The following KIFC1 variants were observed in gnomAD, a reference collection of about 807,000 sequenced individuals.
KIFC1 encodes kinesin family member C1.
In KIFC1, 37 loss-of-function variants were observed where a neutral mutation model predicts 66.6. The ratio of observed to expected loss-of-function variants is 0.56; its 90% CI spans 0.43 to 0.73. KIFC1 has a LOEUF of 0.73. Among genes scored for constraint, KIFC1 ranks in the 30% least tolerant of loss-of-function variants. The pLI, the probability that KIFC1 is intolerant of heterozygous loss-of-function variation, is 0.00. For synonymous variants in KIFC1, 325 were observed against 343.5 expected (o/e 0.95, Z 0.60); for missense variants, 721 against 859.8 (o/e 0.84, Z 2.02).
Position 33,401,935 on chromosome 6 carries a change from G to C in KIFC1, c.251-1379G>C, listed in dbSNP as rs962329130. Among the ~76,000 whole-genome samples, 27 of 152,228 alleles carry C rather than the reference G, an allele frequency of 1.8e-4. No individual in the cohort carries two copies. The highest frequency in any genetic ancestry group is 6.5e-4 in the African/African-American group (27 of 41,536). ...TTAGCCAGGATGGTCTCAATCTCCT[G>C]ACCCCTTGATCTGCCCACCTCGGCC... On this transcript the variant is annotated intron_variant, in intron 3 of 10. Transcript: ENST00000428849. The surrounding 1 kb of genome is among the most constrained non-coding windows in gnomAD (Gnocchi z 4.5).
Position 33,406,167 on chromosome 6 carries a change from CT to C in KIFC1, c.1537-24del. 7 of 1,572,568 alleles carry C rather than the reference CT, an allele frequency of 4.5e-6. No individual in the cohort carries two copies. Among genetic ancestry groups the C allele is most frequent in the Non-Finnish European group, 5.2e-6 (6 of 1,156,432 alleles). ...TTACTATGTACTGACTTCTGCCTGCCTTTTTGCCCCTTCTGCTCCCATCCCC... is the reference window on the plus strand; with the variant it reads ...TTACTATGTACTGACTTCTGCCTGCCTTTTGCCCCTTCTGCTCCCATCCCC... On this transcript the variant is annotated intron_variant, in intron 7 of 10. Transcript: ENST00000428849. This position sits in a 1 kb window ranked among gnomAD's most constrained non-coding sequence, Gnocchi z 4.5.
rs985318176 is a variant in KIFC1 at position 33,406,610 on chromosome 6, C to T, written c.1846C>T (p.Arg616Trp). The T allele has an allele frequency of 2.5e-6, 4 of 1,613,920 alleles. No individual in the cohort carries two copies. Among genetic ancestry groups the T allele is most frequent in the Non-Finnish European group, 3.4e-6 (4 of 1,180,004 alleles). ...CATCTAGGAGTCCCACGTGCCTTAC[C>T]GGAACAGCAAACTGACCTACCTGCT... ...LSNKESHVPY[R>W]NSKLTYLLQN... Residue 616 changes from arginine (R) to tryptophan (W), a missense_variant, in exon 9 of 11, where the codon CGG (arginine) becomes TGG (tryptophan). Coordinates refer to ENST00000428849, the MANE Select transcript of KIFC1 (RefSeq NM_002263.4). The surrounding 1 kb of genome is among the most constrained non-coding windows in gnomAD (Gnocchi z 4.5).
In KIFC1 at chr6:33,409,853, TTTGG is replaced by T. The variant is rs1307783373; in HGVS notation, c.*166_*169del. 10 of 680,114 alleles carry T rather than the reference TTTGG, an allele frequency of 1.5e-5. No individual in the cohort carries two copies. The highest frequency in any genetic ancestry group is 1.4e-4 in the Admixed American group (5 of 34,866). 42.1% of individuals were successfully genotyped at this position (680,114 alleles called of 1,614,324 possible). A position where few individuals can be genotyped will look rare whatever the true frequency, so the allele number is the denominator to read the frequency against. ...CCCAGGGCTATCAAATAAAGAATAG[TTTGG>T]TTTTTTTTTTAAATAAAGGTTTTAT... On this transcript the variant is annotated 3_prime_UTR_variant, in exon 11 of 11. Coordinates refer to ENST00000428849, the MANE Select transcript of KIFC1 (RefSeq NM_002263.4).
At chr6:33,392,132 A>C (rs1233759353) in intron 1 of KIFC1, 135 bp downstream of exon 1, 2 of 1,008,472 alleles carry the variant, frequency 2.0e-6, no homozygotes, top group Non-Finnish European at 2.9e-6. Context: ...GCGCCCCCGC[A>C]CAAGTGGAAA....
rs1241930687 is a variant in KIFC1 at position 33,405,977 on chromosome 6, C to A, written c.1537-219C>A. On this transcript the variant is annotated intron_variant, in intron 7 of 10. Coordinates refer to ENST00000428849, the MANE Select transcript of KIFC1 (RefSeq NM_002263.4). The surrounding 1 kb of genome is among the most constrained non-coding windows in gnomAD (Gnocchi z 5.4). ...TGCCTGGATGCTCTTTCCTGGAGAT[C>A]TTGGCTATCCTGTCAAAACTTGTGT... is the stretch of plus-strand genomic sequence containing the variant. 6.6e-6 allele frequency among the ~76,000 whole-genome samples: 1 copy of A among 152,136 alleles called. No homozygotes were observed. The highest frequency in any genetic ancestry group is 1.5e-5 in the Non-Finnish European group (1 of 68,018).
chr6:33,407,135 G>C (rs543159984), intron 10 of KIFC1: 3 of 1,255,674 alleles, frequency 2.4e-6, no homozygotes, highest in Non-Finnish European at 3.2e-6. Context: ...CTGGTTGGGC[G>C]TAGTAGCTCA....
Position 33,404,765 on chromosome 6 carries a change from C to G in KIFC1, c.757-87C>G. On this transcript the variant is annotated intron_variant, in intron 6 of 10. Transcript: ENST00000428849. The surrounding 1 kb of genome is among the most constrained non-coding windows in gnomAD (Gnocchi z 4.0). ...GAGGTCCTTTTGAGCAGGGACCTCA[C>G]TTCCACCCACTCCATACGCCCCACA... is the stretch of plus-strand genomic sequence containing the variant. 6.9e-6 allele frequency: 9 copies of G among 1,312,026 alleles called. No individual in the cohort carries two copies. The South Asian group carries it at 1.3e-4, about 19-fold the overall frequency. The allele number at this position is 1,312,026 out of a possible 1,614,324, so 81.3% of individuals were successfully genotyped here.
chr6:33,395,438 A>T (rs1025140019), intron 1 of KIFC1, among the ~76,000 whole-genome samples: 1 of 152,090 alleles, frequency 6.6e-6, no homozygotes, highest in African/African-American at 2.4e-5. Context: ...TGGGAATGTG[A>T]TGCATATATG....
At position 33,391,896 on chromosome 6, in the gene KIFC1, C is replaced by A; in HGVS notation, c.-90C>A. Reference sequence around the variant, plus strand: ...CGTGCGAGTTCTCTACCCTGCTTCGCGAGCGGGCGAGAGAACGCGAGTCCC... The same window carrying A: ...CGTGCGAGTTCTCTACCCTGCTTCGAGAGCGGGCGAGAGAACGCGAGTCCC... On this transcript the variant is annotated 5_prime_UTR_variant, in exon 1 of 11. Transcript: ENST00000428849. The A allele has an allele frequency of 6.6e-7, 1 of 1,520,530 alleles. No individual in the cohort carries two copies. The highest frequency in any genetic ancestry group is 9.1e-7 in the Non-Finnish European group (1 of 1,099,390). The allele number at this position is 1,520,530 out of a possible 1,614,324, so 94.2% of individuals were successfully genotyped here. A position where few individuals can be genotyped will look rare whatever the true frequency, so the allele number is the denominator to read the frequency against.
rs1292900999 is a variant in KIFC1, at chr6:33,404,524, C to G, written c.757-328C>G. On this transcript the variant is annotated intron_variant, in intron 6 of 10. Coordinates refer to ENST00000428849, the MANE Select transcript of KIFC1 (RefSeq NM_002263.4). The surrounding 1 kb of genome is among the most constrained non-coding windows in gnomAD (Gnocchi z 4.0). ...GTTATTTGCAGTCTCTTAAATGACTCAACTTTCACTTCTGGGCATTCTGCA... is the reference window on the plus strand; with the variant it reads ...GTTATTTGCAGTCTCTTAAATGACTGAACTTTCACTTCTGGGCATTCTGCA... Among the ~76,000 whole-genome samples, 1 of 152,124 alleles carries G rather than the reference C, an allele frequency of 6.6e-6. No homozygotes were observed. The highest frequency in any genetic ancestry group is 6.5e-5 in the Admixed American group (1 of 15,268).
Position 33,409,820 on chromosome 6 carries a change from C to T in KIFC1, c.*130C>T. ...GGAGGGTGCTTTATTGGGTGGAGGG[C>T]ACCATGTCCCAGGGCTATCAAATAA... On this transcript the variant is annotated 3_prime_UTR_variant, in exon 11 of 11. Coordinates refer to ENST00000428849, the MANE Select transcript of KIFC1 (RefSeq NM_002263.4). 1.1e-6 allele frequency: 1 copy of T among 908,788 alleles called. No individual in the cohort carries two copies. The highest frequency in any genetic ancestry group is 1.7e-6 in the Non-Finnish European group (1 of 575,682). The allele number at this position is 908,788 out of a possible 1,614,324, so 56.3% of individuals were successfully genotyped here.
At chr6:33,391,790 T>G (rs117889830), upstream of KIFC1, 1,680 of 690,262 alleles carry the variant, frequency 2.4e-3, 64 homozygotes, top group East Asian at 0.045. Context: ...GGTCCCTGCG[T>G]GCAGAGCGCG....
In KIFC1 at chr6:33,406,828, G is replaced by A; in HGVS notation, c.1930G>A (p.Glu644Lys). The A allele has an allele frequency of 6.2e-7, 1 of 1,614,096 alleles. No homozygotes were observed. The highest frequency in any genetic ancestry group is 8.5e-7 in the Non-Finnish European group (1 of 1,180,004). ...CATGTTTGTGAACATTTCTCCACTG[G>A]AAGAGAACGTCTCCGAGTCCCTCAA... ...MLMFVNISPL[E>K]ENVSESLNSL... Residue 644 changes from glutamate (E) to lysine (K), a missense_variant, in exon 10 of 11, where the codon GAA becomes AAA. Coordinates refer to ENST00000428849, the MANE Select transcript of KIFC1 (RefSeq NM_002263.4). The surrounding 1 kb of genome is among the most constrained non-coding windows in gnomAD (Gnocchi z 4.5).
Position 33,404,461 on chromosome 6 carries a change from C to T in KIFC1, c.756+332C>T, listed in dbSNP as rs186321789. ...GTACTCTCTTTCCCTCCTCCCATGT[C>T]CACTTGACTCCTTCCTGGTGAGCAC... On this transcript the variant is annotated intron_variant, in intron 6 of 10. Coordinates refer to ENST00000428849, the MANE Select transcript of KIFC1 (RefSeq NM_002263.4). The surrounding 1 kb of genome is among the most constrained non-coding windows in gnomAD (Gnocchi z 4.0). 4.9e-4 allele frequency among the ~76,000 whole-genome samples: 74 copies of T among 152,318 alleles called. No individual in the cohort carries two copies. The East Asian group carries it at 0.014, about 29-fold the overall frequency.
In KIFC1 at chr6:33,406,737, T is replaced by C. The variant is rs372201348; in HGVS notation, c.1902-63T>C. Reference sequence around the variant, plus strand: ...GGGTGAGGGGTAGAAAGGGGAACAGTGGAGACCTGTCCAGGCTCTGCTGGC... The same window carrying C: ...GGGTGAGGGGTAGAAAGGGGAACAGCGGAGACCTGTCCAGGCTCTGCTGGC... On this transcript the variant is annotated intron_variant, in intron 9 of 10. Transcript: ENST00000428849. This position sits in a 1 kb window ranked among gnomAD's most constrained non-coding sequence, Gnocchi z 4.5. 10 of 1,610,680 alleles carry C rather than the reference T, an allele frequency of 6.2e-6. No homozygotes were observed. Among genetic ancestry groups the C allele is most frequent in the Non-Finnish European group, 8.5e-6 (10 of 1,176,846 alleles).
intron 1 of KIFC1, among the ~76,000 whole-genome samples, chr6:33,394,091 C>T (rs539529562): frequency 6.6e-6 from 1 of 152,174 alleles, no homozygotes; most frequent in East Asian, 1.9e-4. Flanking sequence ...CTACTGGCAT[C>T]TAGTGGGTAG....
In KIFC1 at chr6:33,398,356, T is replaced by TACAGTGCC; in HGVS notation, c.224_231dup (p.Thr78CysfsTer29). The TACAGTGCC allele has an allele frequency of 6.2e-7, 1 of 1,614,020 alleles. No homozygotes were observed. Among genetic ancestry groups the TACAGTGCC allele is most frequent in the Middle Eastern group, 1.7e-4 (1 of 6,056 alleles). On this transcript the variant is annotated frameshift_variant, in exon 3 of 11. Coordinates refer to ENST00000428849, the MANE Select transcript of KIFC1 (RefSeq NM_002263.4). LOFTEE classifies it high-confidence loss of function. The stretch of plus-strand genomic sequence containing the variant: ...CCCACCCAAGAGTTCCATCCCTCAC[T>TACAGTGCC]ACAGTGCCACAGACACAAGGCCAGA...
In KIFC1 at chr6:33,409,858, T is replaced by G. The variant is rs964830673; in HGVS notation, c.*168T>G. ...GGCTATCAAATAAAGAATAGTTTGG[T>G]TTTTTTTTTAAATAAAGGTTTTATT... On this transcript the variant is annotated 3_prime_UTR_variant, in exon 11 of 11. Coordinates refer to ENST00000428849, the MANE Select transcript of KIFC1 (RefSeq NM_002263.4). 5 of 576,632 alleles carry G rather than the reference T, an allele frequency of 8.7e-6. No individual in the cohort carries two copies. Among genetic ancestry groups the G allele is most frequent in the South Asian group, 2.6e-5 (1 of 38,238 alleles). 35.7% of individuals were successfully genotyped at this position (576,632 alleles called of 1,614,324 possible). A position where few individuals can be genotyped will look rare whatever the true frequency, so the allele number is the denominator to read the frequency against.
At chr6:33,391,553 T>C (rs1774779859), upstream of KIFC1, 2 of 233,052 alleles carry the variant, frequency 8.6e-6, no homozygotes, top group South Asian at 9.6e-5. Context: ...CGTCCACGCA[T>C]TTTCTGACGT....
Sources: gnomAD v4.1 joint callset for allele counts (sites outside exome capture counted in the v4.1 genomes callset) on GRCh38, gnomAD v4.1.1 for gene constraint, Gnocchi (gnomAD v3.1) non-coding constraint, MANE v1.5 for transcripts, NCBI Gene and HGNC (gene_info 2026-07-23, HGNC 2026-07-21) for gene names.